The following SLC41A2 variants were observed in gnomAD, a reference collection of about 807,000 sequenced individuals.
SLC41A2 encodes SLC41A1-like 1.
In SLC41A2, 32 loss-of-function variants were observed where a neutral mutation model predicts 58.3. The ratio of observed to expected loss-of-function variants is 0.55; its 90% confidence interval spans 0.41 to 0.74. The LOEUF is 0.74. Ranked by LOEUF, SLC41A2 falls within the 30% of genes least tolerant of loss-of-function variation. The probability of loss-of-function intolerance (pLI) is 0.00; values close to 1 mark genes in which losing one functional copy is unlikely to be tolerated. For missense variants in SLC41A2, 514 were observed against 680.6 expected (o/e 0.76, Z 2.72); for synonymous variants, 190 against 235.0 (o/e 0.81, Z 1.75).
intron 8 of SLC41A2, among the ~76,000 whole-genome samples, chr12:104,859,260 GA>G (rs2043122720): frequency 6.6e-6 from 1 of 152,016 alleles, no homozygotes; most frequent in African/African-American, 2.4e-5. Context: ...GATAGGCAGG[GA>G]AAAAAACCAC....
chr12:104,809,822 C>T (rs2041093262), intron 10 of SLC41A2, among the ~76,000 whole-genome samples: 1 of 152,092 alleles, frequency 6.6e-6, no homozygotes, highest in African/African-American at 2.4e-5. Context: ...AGTTCTATCA[C>T]TAAAAGCATA....
chr12:104,834,126 G>A (rs1016863874), intron 10 of SLC41A2: 23 of 984,318 alleles, frequency 2.3e-5, no homozygotes, highest in Non-Finnish European at 2.7e-5. Flanking sequence ...CTCCAATAAA[G>A]CAGACAGTCA....
chr12:104,841,867 G>A (rs1327105781), intron 10 of SLC41A2, among the ~76,000 whole-genome samples: 1 of 152,074 alleles, frequency 6.6e-6, no homozygotes, highest in East Asian at 1.9e-4. Context: ...GTCCTGTGGG[G>A]AATACCAAAG....
intron 1 of SLC41A2, among the ~76,000 whole-genome samples, chr12:104,951,734 C>A (rs17041531): frequency 1.1e-4 from 16 of 151,462 alleles, no homozygotes; most frequent in Admixed American, 1.1e-3. Context: ...TCATTAAGCT[C>A]ATATGATTGA....
At chr12:104,852,323 T>A (rs759923719) in intron 8 of SLC41A2, among the ~76,000 whole-genome samples, 16 of 152,218 alleles carry the variant, frequency 1.1e-4, no homozygotes, top group Non-Finnish European at 1.6e-4. Flanking sequence ...GGTAATGTTC[T>A]ATGTGGTATT....
chr12:104,948,685 G>A (rs1372612035), intron 1 of SLC41A2, among the ~76,000 whole-genome samples: 1 of 152,218 alleles, frequency 6.6e-6, no homozygotes, highest in Non-Finnish European at 1.5e-5. Flanking sequence ...ATTTCTCTGT[G>A]TTATAATCCT....
intron 10 of SLC41A2, among the ~76,000 whole-genome samples, chr12:104,838,002 TC>T (rs771543456): frequency 1.1e-4 from 17 of 152,334 alleles, no homozygotes; most frequent in Non-Finnish European, 2.1e-4. Flanking sequence ...TGGGGGCCTA[TC>T]TTTTGCCCTT....
At chr12:104,822,812 A>T (rs960955453) in intron 10 of SLC41A2, among the ~76,000 whole-genome samples, 1 of 152,146 alleles carries the variant, frequency 6.6e-6, no homozygotes, top group African/African-American at 2.4e-5. Flanking sequence ...TGCAGGTAAA[A>T]AAAAATCAGA....
chr12:104,937,853 AG>A (rs1208995615), intron 1 of SLC41A2, among the ~76,000 whole-genome samples: 1 of 152,236 alleles, frequency 6.6e-6, no homozygotes. Flanking sequence ...ACATTCAAAA[AG>A]GAATCATTTG....
chr12:104,908,909 A>T lies in SLC41A2; in HGVS notation c.663+746T>A, dbSNP rs376505116. Among the ~76,000 whole-genome samples, 36 of 152,374 alleles carry T rather than the reference A, an allele frequency of 2.4e-4. No homozygotes were observed. The East Asian group carries it at 4.4e-3, about 19-fold the overall frequency. On this transcript the variant is annotated intron_variant, in intron 3 of 10. Transcript: ENST00000258538. ...ATAAGAATGGAAAAATGTATGTACAAGAATATTCATCACAACATTGTTCAT... is the reference window on the plus strand; with the variant it reads ...ATAAGAATGGAAAAATGTATGTACATGAATATTCATCACAACATTGTTCAT...
rs144110205 is a variant in SLC41A2, at chr12:104,944,473, T to A, written c.-168+13615A>T. ...CACAAGAAACTAAATTGAGATTACGTAAATCACAGGTACACAGTATCATGT... is the reference window on the plus strand; with the variant it reads ...CACAAGAAACTAAATTGAGATTACGAAAATCACAGGTACACAGTATCATGT... On this transcript the variant is annotated intron_variant, in intron 1 of 10. Coordinates refer to ENST00000258538, the MANE Select transcript of SLC41A2 (RefSeq NM_001352171.3). 2.0e-5 allele frequency among the ~76,000 whole-genome samples: 3 copies of A among 152,356 alleles called. No homozygotes were observed. The East Asian group carries it at 5.8e-4, about 29-fold the overall frequency.
At chr12:104,826,990 G>A (rs2041868259) in intron 10 of SLC41A2, among the ~76,000 whole-genome samples, 1 of 152,128 alleles carries the variant, frequency 6.6e-6, no homozygotes, top group Non-Finnish European at 1.5e-5. Context: ...GTGACAAGGT[G>A]GAAGACTGGA....
At chr12:104,935,336 A>AG (rs144411200) in intron 1 of SLC41A2, among the ~76,000 whole-genome samples, 7,627 of 150,752 alleles carry the variant, frequency 0.051, 276 homozygotes, top group East Asian at 0.11. Flanking sequence ...TCAAAATGCC[A>AG]AAAAAAAATA....
chr12:104,808,235 T>C (rs369593823), intron 10 of SLC41A2, among the ~76,000 whole-genome samples: 5 of 152,102 alleles, frequency 3.3e-5, no homozygotes, highest in Non-Finnish European at 5.9e-5. Context: ...TTTTGAGATA[T>C]GTCCCATCAA....
At chr12:104,938,749 T>C (rs527769080) in intron 1 of SLC41A2, among the ~76,000 whole-genome samples, 21 of 152,194 alleles carry the variant, frequency 1.4e-4, no homozygotes, top group Non-Finnish European at 2.6e-4. Flanking sequence ...TTGGAATTGT[T>C]TATTATCACA....
At chr12:104,848,164 G>A (rs1012903866) in intron 8 of SLC41A2, among the ~76,000 whole-genome samples, 1 of 152,156 alleles carries the variant, frequency 6.6e-6, no homozygotes, top group South Asian at 2.1e-4. Flanking sequence ...TAACAGAAAA[G>A]TAAGATATCT....
At chr12:104,932,956 C>A (rs1295708828) in intron 1 of SLC41A2, among the ~76,000 whole-genome samples, 3 of 152,168 alleles carry the variant, frequency 2.0e-5, no homozygotes, top group South Asian at 2.1e-4. Flanking sequence ...GAAAAAAACT[C>A]TTCTGGACAT....
intron 6 of SLC41A2, among the ~76,000 whole-genome samples, chr12:104,878,770 C>T (rs187448964): frequency 1.1e-3 from 170 of 152,290 alleles, no homozygotes; most frequent in African/African-American, 4.0e-3. Context: ...CTGCAATAAA[C>T]ATACGTGTGC....
At chr12:104,871,326 A>G (rs1321135693) in intron 6 of SLC41A2, among the ~76,000 whole-genome samples, 2 of 152,216 alleles carry the variant, frequency 1.3e-5, no homozygotes, top group African/African-American at 4.8e-5. Flanking sequence ...AAACAGAAAG[A>G]AAGGAGCAAC....
Sources: gnomAD v4.1 joint callset for allele counts (sites outside exome capture counted in the v4.1 genomes callset) on GRCh38, gnomAD v4.1.1 for gene constraint, MANE v1.5 for transcripts, NCBI Gene and HGNC (gene_info 2026-07-23, HGNC 2026-07-21) for gene names.